Variants in SLFN12L observed in about 807,000 individuals in gnomAD.
SLFN12L encodes schlafen family member 12-like.
SLFN12L carries 34 observed loss-of-function variants against 34.8 expected under a neutral mutation model. That is an observed-to-expected ratio of 0.98 (90% CI 0.74 to 1.30). SLFN12L has a LOEUF of 1.30. Ranked by LOEUF, SLFN12L falls within the 50% of genes most tolerant of loss-of-function variation. The pLI is 0.00. For missense variants in SLFN12L, 703 were observed against 696.2 expected (o/e 1.01, Z -0.11); for synonymous variants, 259 against 247.5 (o/e 1.05, Z -0.44).
At chr17:35,487,278 C>T (rs1054335274) in intron 2 of SLFN12L, among the ~76,000 whole-genome samples, 27 of 152,272 alleles carry the variant, frequency 1.8e-4, no homozygotes, top group Admixed American at 1.8e-3. Flanking sequence ...AGCCCACGCA[C>T]GGGCGGAAGT....
chr17:35,490,695 T>C, intron 2 of SLFN12L: 1 of 1,206,766 alleles, frequency 8.3e-7, no homozygotes. Flanking sequence ...AGGATTCAGA[T>C]CGTCAAAGGT....
At chr17:35,533,271 T>C (rs1278237777) in intron 1 of SLFN12L, among the ~76,000 whole-genome samples, 2 of 152,240 alleles carry the variant, frequency 1.3e-5, no homozygotes, top group Non-Finnish European at 2.9e-5. Flanking sequence ...ACTTCTCAAT[T>C]GTTGAAATTG....
At position 35,479,173 on chromosome 17, in the gene SLFN12L, CT is replaced by C; in HGVS notation, c.1108del (p.Arg370GlufsTer5). The C allele has an allele frequency of 6.3e-7, 1 of 1,576,902 alleles. No individual in the cohort carries two copies. The highest frequency in any genetic ancestry group is 8.6e-7 in the Non-Finnish European group (1 of 1,159,702). On this transcript the variant is annotated frameshift_variant, in exon 3 of 5. Transcript: ENST00000628453. LOFTEE classifies it high-confidence loss of function. ...KPDSWHVKDNRVKQLTEKEWI... is the reference protein window; with the variant it reads ...KPDSWHVKDNXVKQLTEKEWI... ...TTCCTTCTCGGTCAACTGCTTAACT[CT>C]GTTATCTTTCACGTGCCAGGAATCA...
intron 2 of SLFN12L, among the ~76,000 whole-genome samples, chr17:35,486,018 A>AT (rs1192859617): frequency 6.6e-6 from 1 of 152,206 alleles, no homozygotes; most frequent in East Asian, 1.9e-4. Context: ...ATTTTAAATC[A>AT]TTTTTTCTAA....
chr17:35,486,937 C>T (rs748004950), intron 2 of SLFN12L, among the ~76,000 whole-genome samples: 6 of 152,190 alleles, frequency 3.9e-5, no homozygotes, highest in Non-Finnish European at 7.3e-5. Flanking sequence ...TTGCCGTCTT[C>T]GGATACCACT....
At chr17:35,523,245 T>C (rs1400447386) in intron 1 of SLFN12L, among the ~76,000 whole-genome samples, 1 of 152,188 alleles carries the variant, frequency 6.6e-6, no homozygotes, top group Non-Finnish European at 1.5e-5. Context: ...ACATTTCCTA[T>C]GGAGAGGAAT....
chr17:35,473,019 T>C lies in SLFN12L; in HGVS notation c.*1904A>G, dbSNP rs1597823774. 6.6e-6 allele frequency among the ~76,000 whole-genome samples: 1 copy of C among 152,252 alleles called. No individual in the cohort carries two copies. Among genetic ancestry groups the C allele is most frequent in the South Asian group, 2.1e-4 (1 of 4,838 alleles). On this transcript the variant is annotated 3_prime_UTR_variant, in exon 5 of 5. Coordinates refer to ENST00000628453, the MANE Select transcript of SLFN12L (RefSeq NM_001363830.2). ...TTGATTTTGTATCCTGAGACTTTGC[T>C]GAAGTTGCTTATCAGCTTAAGGAAT...
chr17:35,518,994 C>A (rs773551734), intron 2 of SLFN12L, among the ~76,000 whole-genome samples: 5 of 151,660 alleles, frequency 3.3e-5, no homozygotes, highest in Non-Finnish European at 7.4e-5. Context: ...GTGGCACGTA[C>A]ACACTATGCA....
intron 1 of SLFN12L, among the ~76,000 whole-genome samples, chr17:35,530,518 AAAAGAAAAGAAAAGAAAAG>A (rs2072398454): frequency 1.1e-4 from 4 of 34,970 alleles, no homozygotes; most frequent in African/African-American, 3.4e-4. Context: ...GAAAGAAAAG[AAAAGAAAAGAAAAGAAAAG>A]AAAAGAAAGA....
intron 1 of SLFN12L, among the ~76,000 whole-genome samples, chr17:35,529,314 A>G (rs1222173189): frequency 6.6e-6 from 1 of 152,224 alleles, no homozygotes; most frequent in Admixed American, 6.5e-5. Context: ...GGAACCAGAA[A>G]TACCATTTGA....
rs1913778095 is a variant in SLFN12L at position 35,469,931 on chromosome 17, C to T, written c.*4992G>A. On this transcript the variant is annotated 3_prime_UTR_variant, in exon 5 of 5. Transcript: ENST00000628453. ...CACAGAAACCCTAATAATAAAGGTTCCGAATTAGATTTTCCCCTCACTTCT... is the reference window on the plus strand; with the variant it reads ...CACAGAAACCCTAATAATAAAGGTTTCGAATTAGATTTTCCCCTCACTTCT... 6.6e-6 allele frequency: 1 copy of T among 152,206 alleles called. No individual in the cohort carries two copies. The highest frequency in any genetic ancestry group is 2.1e-4 in the South Asian group (1 of 4,830). 9.4% of individuals were successfully genotyped at this position (152,206 alleles called of 1,614,324 possible).
chr17:35,495,012 C>T (rs1914995127), intron 2 of SLFN12L, among the ~76,000 whole-genome samples: 1 of 151,860 alleles, frequency 6.6e-6, no homozygotes, highest in African/African-American at 2.4e-5. Context: ...CTCAGATGAT[C>T]CTGAGCCACT....
Position 35,492,485 on chromosome 17 carries a change from C to T in SLFN12L, c.87-12290G>A, listed in dbSNP as rs1175210021. 3.3e-5 allele frequency among the ~76,000 whole-genome samples: 5 copies of T among 152,158 alleles called. No homozygotes were observed. In the South Asian group the frequency reaches 6.2e-4, roughly 19 times the overall value. On this transcript the variant is annotated intron_variant, in intron 2 of 4. Transcript: ENST00000628453. ...AGACCTCTCGGGAGAAAGACATCCC[C>T]GTTGTGTGAGTGGCATTTCCTTAAG...
chr17:35,478,999 C>T (rs953732903), intron 3 of SLFN12L, 118 bp downstream of exon 3: 1 of 720,436 alleles, frequency 1.4e-6, no homozygotes, highest in Non-Finnish European at 2.3e-6. Context: ...TTGGTTGTAT[C>T]CACCAGAGAT....
rs1913707928 is a variant in SLFN12L, at chr17:35,465,528, A to G, written c.*9395T>C. 6.6e-6 allele frequency among the ~76,000 whole-genome samples: 1 copy of G among 152,044 alleles called. No individual in the cohort carries two copies. The highest frequency in any genetic ancestry group is 6.6e-5 in the Admixed American group (1 of 15,256). On this transcript the variant is annotated 3_prime_UTR_variant, in exon 5 of 5. Transcript: ENST00000628453. ...TATAAATCCCATTAAAATAGTTAAT[A>G]TGGTTCAATGTAAGTTAAAATAGGC... is the stretch of plus-strand genomic sequence containing the variant.
At chr17:35,484,356 C>T (rs755412093) in intron 2 of SLFN12L, among the ~76,000 whole-genome samples, 1 of 152,212 alleles carries the variant, frequency 6.6e-6, no homozygotes, top group Non-Finnish European at 1.5e-5. Flanking sequence ...TGCAGGAAAT[C>T]AAGCGAGGAC....
chr17:35,479,863 T>A lies in SLFN12L; in HGVS notation c.419A>T (p.Gln140Leu), dbSNP rs535994326. 12 of 1,608,204 alleles carry A rather than the reference T, an allele frequency of 7.5e-6. No individual in the cohort carries two copies. The African/African-American group carries it at 1.6e-4, about 22-fold the overall frequency. ...AAAAATGTGAAAGTAGTTACCATTC[T>A]GCATGAAGTCCAGGAAATTAGGAAC... Reference protein sequence around the residue: ...PFVPNFLDFMQNGNYFHIFVK... With the variant: ...PFVPNFLDFMLNGNYFHIFVK... Residue 140 changes from glutamine to leucine, a missense_variant, in exon 3 of 5, where the codon CAG (glutamine) becomes CTG (leucine). Coordinates refer to ENST00000628453, the MANE Select transcript of SLFN12L (RefSeq NM_001363830.2).
intron 2 of SLFN12L, among the ~76,000 whole-genome samples, chr17:35,513,876 A>G (rs886760969): frequency 2.0e-5 from 3 of 152,244 alleles, no homozygotes; most frequent in African/African-American, 7.2e-5. Context: ...AATCAACAAT[A>G]GAGTTGTATC....
In SLFN12L at chr17:35,490,349, A is replaced by G. The variant is rs994709284; in HGVS notation, c.87-10154T>C. The G allele has an allele frequency of 6.6e-6, 9 of 1,354,526 alleles. No homozygotes were observed. In the African/African-American group the frequency reaches 1.3e-4, roughly 19 times the overall value. The allele number at this position is 1,354,526 out of a possible 1,614,324, so 83.9% of individuals were successfully genotyped here. A position where few individuals can be genotyped will look rare whatever the true frequency, so the allele number is the denominator to read the frequency against. ...AACTCCAAAATCTACCTCAGAAAAA[A>G]CACGGTACGATAGTCTCTTGATCTG... is the stretch of plus-strand genomic sequence containing the variant. On this transcript the variant is annotated intron_variant, in intron 2 of 4. Coordinates refer to ENST00000628453, the MANE Select transcript of SLFN12L (RefSeq NM_001363830.2).
Sources: gnomAD v4.1 joint callset for allele counts (sites outside exome capture counted in the v4.1 genomes callset) on GRCh38, gnomAD v4.1.1 for gene constraint, MANE v1.5 for transcripts, NCBI Gene and HGNC (gene_info 2026-07-23, HGNC 2026-07-21) for gene names.